Variants in SNRNP35 observed in about 807,000 individuals in gnomAD.
The protein encoded by SNRNP35 is small nuclear ribonucleoprotein U11/U12 subunit 35, also known as U11/U12 small nuclear ribonucleoprotein 35 kDa protein.
SNRNP35 carries 16 observed loss-of-function variants against 24.3 expected under a neutral mutation model. That is an observed-to-expected ratio of 0.66 (90% confidence interval 0.45 to 1.00). The LOEUF is 1.00. Ranked by LOEUF, SNRNP35 falls within the 50% of genes least tolerant of loss-of-function variation. The pLI is 0.00. For missense variants in SNRNP35, 292 were observed against 327.2 expected, an observed-to-expected ratio of 0.89 and a Z score of 0.83; for synonymous variants, 106 against 124.8, an observed-to-expected ratio of 0.85 and a Z score of 1.00.
chr12:123,467,153 G>C (rs1328007436), downstream of SNRNP35, among the ~76,000 whole-genome samples: 1 of 152,146 alleles, frequency 6.6e-6, no homozygotes, highest in Non-Finnish European at 1.5e-5. Flanking sequence ...TTGCTGAATT[G>C]AAATAAAAAT....
In SNRNP35 at chr12:123,466,383, G is replaced by T. The variant is rs917202367; in HGVS notation, c.*102G>T. The T allele has an allele frequency of 8.2e-7, 1 of 1,226,550 alleles. No homozygotes were observed. Among genetic ancestry groups the T allele is most frequent in the Non-Finnish European group, 1.1e-6 (1 of 894,722 alleles). 76.0% of individuals were successfully genotyped at this position (1,226,550 alleles called of 1,614,324 possible). ...GTCTAATGGTTGAATAAAACTTACT[G>T]ATGATCATGGGGTTTGGAATAGTTT... On this transcript the variant is annotated 3_prime_UTR_variant, in exon 2 of 2. Coordinates refer to ENST00000526639, the MANE Select transcript of SNRNP35 (RefSeq NM_022717.4).
At position 123,465,054 on chromosome 12, in the gene SNRNP35, T is replaced by C. The variant is rs1880868690; in HGVS notation, c.-3-484T>C. On this transcript the variant is annotated intron_variant, in intron 1 of 1. Coordinates refer to ENST00000526639, the MANE Select transcript of SNRNP35 (RefSeq NM_022717.4). The surrounding 1 kb of genome is among the most constrained non-coding windows in gnomAD (Gnocchi z 4.2). Reference sequence around the variant, plus strand: ...TTCTAGTTGAGCCGGGTGAGAAGTTTGTGGAGGGTTATTATATGATTCTCT... The same window carrying C: ...TTCTAGTTGAGCCGGGTGAGAAGTTCGTGGAGGGTTATTATATGATTCTCT... Among the ~76,000 whole-genome samples the C allele has an allele frequency of 6.6e-6, 1 of 152,236 alleles. No homozygotes were observed. Among genetic ancestry groups the C allele is most frequent in the Non-Finnish European group, 1.5e-5 (1 of 68,038 alleles).
intron 1 of SNRNP35, among the ~76,000 whole-genome samples, chr12:123,460,916 C>T (rs531932248): frequency 1.3e-3 from 202 of 151,560 alleles, no homozygotes; most frequent in African/African-American, 4.7e-3. Context: ...CTTTTGCCTC[C>T]CAAAGTGCTG....
downstream of SNRNP35, chr12:123,471,077 T>TC (rs1231579721): frequency 2.0e-5 from 3 of 151,366 alleles, no homozygotes; most frequent in African/African-American, 4.8e-5. Flanking sequence ...TCTTTCTTTT[T>TC]TTTTTTTTTT....
chr12:123,472,804 GAAA>G (rs1881286754), exon 2 of SNRNP35: 1 of 1,072,324 alleles, frequency 9.3e-7, no homozygotes, highest in Non-Finnish European at 1.3e-6. Context: ...TTCAAGGTGT[GAAA>G]GACAAAGTTG....
intron 1 of SNRNP35, among the ~76,000 whole-genome samples, chr12:123,461,282 A>G (rs942427299): frequency 2.4e-4 from 31 of 131,202 alleles, no homozygotes; most frequent in African/African-American, 8.5e-4. Context: ...CGCCTGGCTA[A>G]TTTTTTTTTT....
rs950521449 is a variant in SNRNP35, at chr12:123,463,869, C to A, written c.-3-1669C>A. On this transcript the variant is annotated intron_variant, in intron 1 of 1. Transcript: ENST00000526639. ...AACCTCGCCTCCTGGGTTCAAGCCACTCTCCTGCCTCAACCTCCTGAGTAG... is the reference window on the plus strand; with the variant it reads ...AACCTCGCCTCCTGGGTTCAAGCCAATCTCCTGCCTCAACCTCCTGAGTAG... Among the ~76,000 whole-genome samples the A allele has an allele frequency of 3.4e-5, 5 of 149,014 alleles. No individual in the cohort carries two copies. The Admixed American group carries it at 3.4e-4, about 10-fold the overall frequency.
At chr12:123,460,986 AAC>A (rs1159740426) in intron 1 of SNRNP35, among the ~76,000 whole-genome samples, 2 of 140,948 alleles carry the variant, frequency 1.4e-5, no homozygotes, top group Non-Finnish European at 3.1e-5. Flanking sequence ...TTTTTTTAAA[AAC>A]AGAGACAGGG....
At chr12:123,460,956 CTTTTT>C (rs35246652) in intron 1 of SNRNP35, among the ~76,000 whole-genome samples, 1 of 122,774 alleles carries the variant, frequency 8.1e-6, no homozygotes, top group Non-Finnish European at 1.7e-5. Flanking sequence ...TGCGCCTGGC[CTTTTT>C]TTTTTTTTTT....
downstream of SNRNP35, chr12:123,471,166 G>GT (rs1373177964): frequency 6.6e-6 from 1 of 151,398 alleles, no homozygotes; most frequent in Non-Finnish European, 1.5e-5. Flanking sequence ...TGCCTCCTAG[G>GT]TTCAAGGAAT....
intron 1 of SNRNP35, among the ~76,000 whole-genome samples, chr12:123,463,887 C>G (rs1016158658): frequency 2.0e-5 from 3 of 150,612 alleles, no homozygotes; most frequent in Non-Finnish European, 4.4e-5. Context: ...CCTCAACCTC[C>G]TGAGTAGCTG....
intron 1 of SNRNP35, among the ~76,000 whole-genome samples, chr12:123,464,171 G>A (rs1277735506): frequency 2.6e-5 from 4 of 151,088 alleles, no homozygotes; most frequent in Non-Finnish European, 5.9e-5. Context: ...GACCTCAGGT[G>A]ATCCACCTGC....
In SNRNP35 at chr12:123,458,203, C is replaced by G. The variant is rs548595620; in HGVS notation, c.-17C>G. ...CGCCTGTCTCCGTCGGAAGGGAGCC[C>G]AAGCTTTGCAGAGGTGAGTGGAAGC... On this transcript the variant is annotated 5_prime_UTR_variant, in exon 1 of 2. Transcript: ENST00000526639. 1.5e-5 allele frequency: 15 copies of G among 985,492 alleles called. No individual in the cohort carries two copies. The Middle Eastern group carries it at 1.6e-3, about 103-fold the overall frequency. The allele number at this position is 985,492 out of a possible 1,614,324, so 61.0% of individuals were successfully genotyped here. A position where few individuals can be genotyped will look rare whatever the true frequency, so the allele number is the denominator to read the frequency against.
downstream of SNRNP35, among the ~76,000 whole-genome samples, chr12:123,469,892 G>A (rs1301274386): frequency 2.0e-5 from 3 of 151,734 alleles, no homozygotes; most frequent in African/African-American, 7.3e-5. Flanking sequence ...AAAAAGGAGG[G>A]CCAGGTATGG....
chr12:123,472,002 C>CT (rs1280798873), exon 2 of SNRNP35: 1 of 153,314 alleles, frequency 6.5e-6, no homozygotes, highest in East Asian at 1.9e-4. Context: ...GGCTTTGTGT[C>CT]TGAGTTGGGC....
exon 2 of SNRNP35, chr12:123,472,130 C>T (rs562850213): frequency 5.6e-6 from 1 of 177,262 alleles, no homozygotes; most frequent in Admixed American, 5.5e-5. Flanking sequence ...ATGCCTCCTG[C>T]TGAACTATGT....
downstream of SNRNP35, among the ~76,000 whole-genome samples, chr12:123,467,949 A>G (rs1881034526): frequency 1.3e-5 from 2 of 152,196 alleles, no homozygotes; most frequent in African/African-American, 2.4e-5. Context: ...TTGTCTAGAA[A>G]ACAAGACTGC....
chr12:123,463,027 A>G (rs939946515), intron 1 of SNRNP35, among the ~76,000 whole-genome samples: 1 of 152,088 alleles, frequency 6.6e-6, no homozygotes, highest in African/African-American at 2.4e-5. Flanking sequence ...AGGAATGAGA[A>G]CTACTGTATA....
chr12:123,463,179 G>GC (rs1307651018), intron 1 of SNRNP35, among the ~76,000 whole-genome samples: 1 of 151,880 alleles, frequency 6.6e-6, no homozygotes, highest in African/African-American at 2.4e-5. Context: ...TCCTGTCTTA[G>GC]CCCCCCTAGT....
Sources: gnomAD v4.1 joint callset for allele counts (sites outside exome capture counted in the v4.1 genomes callset) on GRCh38, gnomAD v4.1.1 for gene constraint, Gnocchi (gnomAD v3.1) non-coding constraint, MANE v1.5 for transcripts, NCBI Gene and HGNC (gene_info 2026-07-23, HGNC 2026-07-21) for gene names.